Variants in NGFR observed in about 807,000 individuals in gnomAD.
NGFR encodes the protein nerve growth factor receptor.
A neutral mutation model predicts 43.2 loss-of-function variants in NGFR; 30 were observed. The observed-to-expected ratio is 0.69, with a 90% CI of 0.52 to 0.94. The LOEUF (loss-of-function observed/expected upper bound fraction) is 0.94. Ranked by LOEUF, NGFR falls within the 40% of genes least tolerant of loss-of-function variation. NGFR has a pLI of 0.00. For synonymous variants in NGFR, 246 were observed against 259.6 expected (o/e 0.95, Z 0.50); for missense variants, 529 against 602.5 (o/e 0.88, Z 1.28).
intron 3 of NGFR, among the ~76,000 whole-genome samples, chr17:49,508,108 T>TGTG (rs1194076621): frequency 6.6e-6 from 1 of 152,090 alleles, no homozygotes; most frequent in Non-Finnish European, 1.5e-5. Flanking sequence ...AGGAGTAGGA[T>TGTG]GTGGTGGTTC....
intron 3 of NGFR, 86 bp from the exon 4 acceptor site, chr17:49,510,326 G>A (rs2143444332): frequency 1.3e-6 from 2 of 1,560,840 alleles, no homozygotes; most frequent in Non-Finnish European, 8.7e-7. Context: ...CCAGGGCGGG[G>A]ACACAGGAAG....
chr17:49,500,996 A>G (rs574601036), intron 1 of NGFR, among the ~76,000 whole-genome samples: 5 of 152,348 alleles, frequency 3.3e-5, no homozygotes, highest in South Asian at 4.1e-4. Flanking sequence ...CCCAAAGCCC[A>G]TACTTCTCAG....
Position 49,513,189 on chromosome 17 carries a change from C to T in NGFR, c.*180C>T. On this transcript the variant is annotated 3_prime_UTR_variant, in exon 6 of 6. Transcript: ENST00000172229. Reference sequence around the variant, plus strand: ...AGCCCTGTCAGTGCAGCCCGTGTGGCCCCTTCACTTCTGACCACACTTCCT... The same window carrying T: ...AGCCCTGTCAGTGCAGCCCGTGTGGTCCCTTCACTTCTGACCACACTTCCT... The T allele has an allele frequency of 1.6e-6, 1 of 639,274 alleles. No homozygotes were observed. The highest frequency in any genetic ancestry group is 2.6e-6 in the Non-Finnish European group (1 of 384,512). The allele number at this position is 639,274 out of a possible 1,614,324, so 39.6% of individuals were successfully genotyped here.
chr17:49,512,823 G>C lies in NGFR; in HGVS notation c.1098G>C (p.Leu366=). ...GDTWRHLAGE[L]GYQPEHIDSF... ...CCTGGCGGCACCTGGCGGGCGAGCTGGGCTACCAGCCCGAGCACATAGACT... is the reference window on the plus strand; with the variant it reads ...CCTGGCGGCACCTGGCGGGCGAGCTCGGCTACCAGCCCGAGCACATAGACT... Residue 366 remains leucine, a synonymous_variant, in exon 6 of 6, where the codon CTG becomes CTC. Transcript: ENST00000172229. The surrounding 1 kb of genome is among the most constrained non-coding windows in gnomAD (Gnocchi z 5.2). 6.2e-7 allele frequency: 1 copy of C among 1,613,480 alleles called. No individual in the cohort carries two copies. The highest frequency in any genetic ancestry group is 8.5e-7 in the Non-Finnish European group (1 of 1,179,972).
Position 49,506,343 on chromosome 17 carries a change from C to T in NGFR, c.253C>T (p.Pro85Ser). The change falls in exon 3 of 6, where the codon CCG becomes TCG. Residue 85 changes from proline to serine, a missense_variant. Transcript: ENST00000172229. ...DVVSATEPCK[P>S]CTECVGLQSM... ...GGTGAGCGCGACCGAGCCGTGCAAG[C>T]CGTGCACCGAGTGCGTGGGGCTCCA... is the stretch of plus-strand genomic sequence containing the variant. The T allele has an allele frequency of 6.3e-7, 1 of 1,589,742 alleles. No homozygotes were observed. The highest frequency in any genetic ancestry group is 8.5e-7 in the Non-Finnish European group (1 of 1,170,338).
At position 49,513,215 on chromosome 17, in the gene NGFR, G is replaced by C; in HGVS notation, c.*206G>C. On this transcript the variant is annotated 3_prime_UTR_variant, in exon 6 of 6. Transcript: ENST00000172229. ...CCCTTCACTTCTGACCACACTTCCT[G>C]TCCAGAGAGAGAAGTGCCCCTGCTG... 1.8e-6 allele frequency: 1 copy of C among 559,910 alleles called. No individual in the cohort carries two copies. Among genetic ancestry groups the C allele is most frequent in the South Asian group, 2.8e-5 (1 of 35,576 alleles). 34.7% of individuals were successfully genotyped at this position (559,910 alleles called of 1,614,324 possible). A position where few individuals can be genotyped will look rare whatever the true frequency, so the allele number is the denominator to read the frequency against.
rs558606125 is a variant in NGFR at position 49,513,734 on chromosome 17, C to T, written c.*725C>T. The T allele has an allele frequency of 2.0e-5, 3 of 152,440 alleles. No individual in the cohort carries two copies. Among genetic ancestry groups the T allele is most frequent in the African/African-American group, 7.2e-5 (3 of 41,578 alleles). 9.4% of individuals were successfully genotyped at this position (152,440 alleles called of 1,614,324 possible). A position where few individuals can be genotyped will look rare whatever the true frequency, so the allele number is the denominator to read the frequency against. On this transcript the variant is annotated 3_prime_UTR_variant, in exon 6 of 6. Transcript: ENST00000172229. ...GGGCGAGGGGAGGGTGGCAGGTGAC[C>T]TTCTGGGAAATGGCTTGAAGCCAAG...
In NGFR at chr17:49,506,426, C is replaced by A. The variant is rs770616946; in HGVS notation, c.336C>A (p.Gly112=). The A allele has an allele frequency of 1.2e-6, 2 of 1,606,898 alleles. No homozygotes were observed. Among genetic ancestry groups the A allele is most frequent in the East Asian group, 2.2e-5 (1 of 44,796 alleles). ...ADDAVCRCAY[G]YYQDETTGRC... is the part of the protein sequence containing the mutation. ...ACGCCGTGTGCCGCTGCGCCTACGG[C>A]TACTACCAGGATGAGACGACTGGGC... Residue 112 remains glycine (G), a synonymous_variant, in exon 3 of 6, where the codon GGC becomes GGA. Transcript: ENST00000172229.
At chr17:49,508,264 G>C (rs551650324) in intron 3 of NGFR, among the ~76,000 whole-genome samples, 5 of 152,182 alleles carry the variant, frequency 3.3e-5, no homozygotes, top group Non-Finnish European at 7.3e-5. Context: ...GGGGCGGGGC[G>C]GGGGGACTTG....
rs1385964195 is a variant in NGFR, at chr17:49,511,877, G to A, written c.822-15G>A. ...CCCCTCGCCCCCTGAAACCTGGCCT[G>A]TCCTCTGGCTCCAGGTGGAACAGCT... is the stretch of plus-strand genomic sequence containing the variant. On this transcript the variant is annotated splice_polypyrimidine_tract_variant and intron_variant, in intron 4 of 5. Coordinates refer to ENST00000172229, the MANE Select transcript of NGFR (RefSeq NM_002507.4). The A allele has an allele frequency of 6.3e-7, 1 of 1,591,978 alleles. No homozygotes were observed. The highest frequency in any genetic ancestry group is 1.7e-5 in the Admixed American group (1 of 57,332).
At chr17:49,510,794 A>G in intron 4 of NGFR, 130 bp downstream of exon 4, 1 of 1,183,696 alleles carries the variant, frequency 8.4e-7, no homozygotes, top group Non-Finnish European at 1.2e-6. Flanking sequence ...CTCACTCATC[A>G]TCTGCCGCCC....
intron 3 of NGFR, among the ~76,000 whole-genome samples, chr17:49,508,562 T>TA (rs2071212945): frequency 6.6e-6 from 1 of 152,176 alleles, no homozygotes; most frequent in East Asian, 1.9e-4. Context: ...CGCATTTACT[T>TA]ACGTTTCAGG....
Position 49,510,574 on chromosome 17 carries a change from C to A in NGFR, c.731C>A (p.Thr244Asn), listed in dbSNP as rs2071225163. The change falls in exon 4 of 6, where the codon ACC becomes AAC. Residue 244 changes from threonine to asparagine, a missense_variant. Thr to Asn is a moderately conservative substitution (Grantham distance 65). Transcript: ENST00000172229. ...TVMGSSQPVV[T>N]RGTTDNLIPV... ...ATGGGCAGCTCCCAGCCCGTGGTGA[C>A]CCGAGGCACCACCGACAACCTCATC... is the stretch of plus-strand genomic sequence containing the variant. 1 of 1,613,968 alleles carries A rather than the reference C, an allele frequency of 6.2e-7. No homozygotes were observed. The highest frequency in any genetic ancestry group is 8.5e-7 in the Non-Finnish European group (1 of 1,179,956).
chr17:49,495,326 CA>C lies in NGFR; in HGVS notation c.-91del, dbSNP rs1248397308. ...CCGAGCCGCGGCCAGCTCCGGCGGGCAGGGGGGGCGCTGGAGCGCAGCGCAG... is the reference window on the plus strand; with the variant it reads ...CCGAGCCGCGGCCAGCTCCGGCGGGCGGGGGGGCGCTGGAGCGCAGCGCAG... On this transcript the variant is annotated 5_prime_UTR_variant, in exon 1 of 6. Coordinates refer to ENST00000172229, the MANE Select transcript of NGFR (RefSeq NM_002507.4). This position sits in a 1 kb window ranked among gnomAD's most constrained non-coding sequence, Gnocchi z 6.4. The C allele has an allele frequency of 9.6e-6, 10 of 1,046,818 alleles. No individual in the cohort carries two copies. The highest frequency in any genetic ancestry group is 1.2e-5 in the Non-Finnish European group (10 of 820,708). 64.8% of individuals were successfully genotyped at this position (1,046,818 alleles called of 1,614,324 possible).
chr17:49,513,342 A>C lies in NGFR; in HGVS notation c.*333A>C. 3 of 338,760 alleles carry C rather than the reference A, an allele frequency of 8.9e-6. No individual in the cohort carries two copies. The highest frequency in any genetic ancestry group is 5.3e-5 in the East Asian group (1 of 18,998). The allele number at this position is 338,760 out of a possible 1,614,324, so 21.0% of individuals were successfully genotyped here. A position where few individuals can be genotyped will look rare whatever the true frequency, so the allele number is the denominator to read the frequency against. The stretch of plus-strand genomic sequence containing the variant: ...CCCCTCCCACCACAGCAGGTGTCAT[A>C]TATGGGGGGCCAACACCAGGGATGG... On this transcript the variant is annotated 3_prime_UTR_variant, in exon 6 of 6. Coordinates refer to ENST00000172229, the MANE Select transcript of NGFR (RefSeq NM_002507.4).
At chr17:49,506,125 A>G in intron 2 of NGFR, 174 bp from the exon 3 acceptor site, 1 of 1,273,236 alleles carries the variant, frequency 7.9e-7, no homozygotes, top group Non-Finnish European at 1.0e-6. Context: ...GTTGGCTGCC[A>G]CCAACTTTCA....
At position 49,495,835 on chromosome 17, in the gene NGFR, AC is replaced by A. The variant is rs1042777196; in HGVS notation, c.66+353del. On this transcript the variant is annotated intron_variant, in intron 1 of 5. Transcript: ENST00000172229. This position sits in a 1 kb window ranked among gnomAD's most constrained non-coding sequence, Gnocchi z 6.4. ...ACTCGAATGCCGGGATCCCGAAGGG[AC>A]TTTCCCCTCAGCATCTCGGTCTCTG... The A allele has an allele frequency of 2.6e-5, 7 of 268,080 alleles. No individual in the cohort carries two copies. Among genetic ancestry groups the A allele is most frequent in the Admixed American group, 2.2e-4 (4 of 18,510 alleles). 16.6% of individuals were successfully genotyped at this position (268,080 alleles called of 1,614,324 possible). A position where few individuals can be genotyped will look rare whatever the true frequency, so the allele number is the denominator to read the frequency against.
At chr17:49,500,965 G>A (rs1311274829) in intron 1 of NGFR, among the ~76,000 whole-genome samples, 2 of 152,220 alleles carry the variant, frequency 1.3e-5, no homozygotes, top group African/African-American at 2.4e-5. Flanking sequence ...AGCTTGTAAA[G>A]CTTCCCTCTG....
At chr17:49,503,678 C>A (rs902738076) in intron 2 of NGFR, among the ~76,000 whole-genome samples, 2 of 152,208 alleles carry the variant, frequency 1.3e-5, no homozygotes, top group Non-Finnish European at 2.9e-5. Context: ...AATGCCTGGG[C>A]GTATGTGTGG....
Sources: allele counts gnomAD v4.1 joint callset (sites outside exome capture counted in the v4.1 genomes callset), GRCh38; gene constraint gnomAD v4.1.1; non-coding constraint Gnocchi (gnomAD v3.1); transcripts MANE v1.5; gene names NCBI Gene and HGNC (gene_info 2026-07-23, HGNC 2026-07-21).